The following KCNAB1 variants were observed in gnomAD, a reference collection of about 807,000 sequenced individuals.
The protein encoded by KCNAB1 is voltage-gated potassium channel subunit beta-1.
KCNAB1 carries 35 observed loss-of-function variants against 64.6 expected under a neutral mutation model. The observed-to-expected ratio is 0.54, with a 90% CI of 0.41 to 0.72. The LOEUF (loss-of-function observed/expected upper bound fraction) is 0.72. KCNAB1 is among the 30% of genes least tolerant of loss of function. The probability of loss-of-function intolerance (pLI) is 0.00; values close to 1 mark genes in which losing one functional copy is unlikely to be tolerated. For missense variants in KCNAB1, 401 were observed against 512.9 expected (o/e 0.78, Z 2.11); for synonymous variants, 177 against 183.8 (o/e 0.96, Z 0.30).
In KCNAB1 at chr3:156,515,288, TA is replaced by T. The variant is rs72558058; in HGVS notation, c.865+73del. The T allele has an allele frequency of 4.2e-6, 6 of 1,442,146 alleles. No individual in the cohort carries two copies. In the East Asian group the frequency reaches 1.4e-4, roughly 34 times the overall value. 89.3% of individuals were successfully genotyped at this position (1,442,146 alleles called of 1,614,324 possible). ...AAAGATCACTGATTCGGGGAAAAAATAAAAACAGTGTTATTGAAATGCTTTC... is the reference window on the plus strand; with the variant it reads ...AAAGATCACTGATTCGGGGAAAAAATAAAACAGTGTTATTGAAATGCTTTC... On this transcript the variant is annotated intron_variant, in intron 10 of 13. Coordinates refer to ENST00000490337, the MANE Select transcript of KCNAB1 (RefSeq NM_172160.3).
chr3:156,471,000 T>A (rs1559901871), intron 7 of KCNAB1, among the ~76,000 whole-genome samples: 2 of 152,216 alleles, frequency 1.3e-5, no homozygotes, highest in Non-Finnish European at 2.9e-5. Context: ...CAAATTATGA[T>A]GATAGGTCTG....
At chr3:156,458,576 A>T (rs1198863897) in intron 4 of KCNAB1, among the ~76,000 whole-genome samples, 1 of 152,162 alleles carries the variant, frequency 6.6e-6, no homozygotes, top group East Asian at 1.9e-4. Context: ...TTTCAAGAAG[A>T]GGTCTATGTT....
chr3:156,536,528 G>A (rs560252580), intron 13 of KCNAB1, 130 bp from the exon 14 acceptor site: 64 of 696,474 alleles, frequency 9.2e-5, no homozygotes, highest in Non-Finnish European at 1.4e-4. Context: ...GTTGGGGGCG[G>A]GGGGCTTAGA....
At chr3:156,252,454 A>C (rs1412302561) in intron 1 of KCNAB1, among the ~76,000 whole-genome samples, 1 of 152,228 alleles carries the variant, frequency 6.6e-6, no homozygotes, top group Non-Finnish European at 1.5e-5. Flanking sequence ...TACAGGAGAA[A>C]GGCACAGCTA....
chr3:156,274,985 C>A (rs753508912), intron 1 of KCNAB1, among the ~76,000 whole-genome samples: 7 of 152,202 alleles, frequency 4.6e-5, no homozygotes, highest in Admixed American at 1.3e-4. Context: ...TCTTGCGTAA[C>A]AGAACCTTTG....
At chr3:156,230,863 A>T (rs1716479960) in intron 1 of KCNAB1, among the ~76,000 whole-genome samples, 1 of 152,258 alleles carries the variant, frequency 6.6e-6, no homozygotes, top group South Asian at 2.1e-4. Flanking sequence ...TTACTTTTAC[A>T]AAAAGTTTGC....
At position 156,120,674 on chromosome 3, in the gene KCNAB1, G is replaced by C. The variant is rs374444884; in HGVS notation, c.63G>C (p.Arg21Ser). The change falls in exon 1 of 14, where the codon AGG (arginine) becomes AGC (serine). Residue 21 changes from arginine to serine, a missense_variant. By Grantham distance (110) the Arg-to-Ser change is moderately radical. Coordinates refer to ENST00000490337, the MANE Select transcript of KCNAB1 (RefSeq NM_172160.3). ...SQISEENTKLRRQSGFSVAGK... is the reference protein window; with the variant it reads ...SQISEENTKLSRQSGFSVAGK... The stretch of plus-strand genomic sequence containing the variant: ...TCTCAGAGGAGAACACCAAGTTAAG[G>C]AGACAGTCTGGGTTTTCTGTAGCAG... The C allele has an allele frequency of 1.2e-6, 2 of 1,614,108 alleles. No individual in the cohort carries two copies. The highest frequency in any genetic ancestry group is 1.7e-6 in the Non-Finnish European group (2 of 1,180,052).
At chr3:156,376,635 A>G in intron 1 of KCNAB1, among the ~76,000 whole-genome samples, 1 of 152,196 alleles carries the variant, frequency 6.6e-6, no homozygotes, top group Admixed American at 6.5e-5. Context: ...TAATACAGGG[A>G]AAGAAGGGTA....
chr3:156,276,239 C>T (rs1488128368), intron 1 of KCNAB1, among the ~76,000 whole-genome samples: 1 of 152,064 alleles, frequency 6.6e-6, no homozygotes, highest in African/African-American at 2.4e-5. Flanking sequence ...AGGAGTAAGT[C>T]TAAGAAGTTG....
At position 156,175,734 on chromosome 3, in the gene KCNAB1, C is replaced by A. The variant is rs1471613036; in HGVS notation, c.275+54848C>A. ...GCAGTGGTTTTTGGAATATGGCCAC[C>A]ACCTCCTCTGTTTCTTGCCAGTAAT... On this transcript the variant is annotated intron_variant, in intron 1 of 13. Transcript: ENST00000490337. 1.1e-5 allele frequency: 6 copies of A among 548,162 alleles called. No homozygotes were observed. In the Admixed American group the frequency reaches 1.3e-4, roughly 12 times the overall value. The allele number at this position is 548,162 out of a possible 1,614,324, so 34.0% of individuals were successfully genotyped here.
chr3:156,520,108 C>T (rs984699185), intron 11 of KCNAB1, among the ~76,000 whole-genome samples: 15 of 152,180 alleles, frequency 9.9e-5, no homozygotes. Flanking sequence ...TCATCTGACT[C>T]ATCACAGAGC....
At chr3:156,486,140 C>G (rs1715195945) in intron 8 of KCNAB1, among the ~76,000 whole-genome samples, 1 of 152,052 alleles carries the variant, frequency 6.6e-6, no homozygotes, top group Non-Finnish European at 1.5e-5. Context: ...TAGCCTGTCC[C>G]CCACAACCTT....
intron 8 of KCNAB1, among the ~76,000 whole-genome samples, chr3:156,490,252 T>C (rs1404178891): frequency 6.6e-6 from 1 of 152,110 alleles, no homozygotes; most frequent in Non-Finnish European, 1.5e-5. Flanking sequence ...CTAACAGATA[T>C]TGACATTGTT....
intron 1 of KCNAB1, chr3:156,291,384 G>C: frequency 4.0e-6 from 4 of 995,714 alleles, no homozygotes; most frequent in Non-Finnish European, 4.8e-6. Context: ...GCTGCTTCTT[G>C]GGATGCTCCG....
rs563605274 is a variant in KCNAB1, at chr3:156,394,598, A to G, written c.276-27018A>G. 1.4e-4 allele frequency among the ~76,000 whole-genome samples: 22 copies of G among 152,260 alleles called. No homozygotes were observed. In the East Asian group the frequency reaches 2.7e-3, roughly 19 times the overall value. On this transcript the variant is annotated intron_variant, in intron 1 of 13. Transcript: ENST00000490337. ...CAAGCTCTGTGGGGATAAAAGAAAA[A>G]AAAAAGAATGTTTGAGGCCAGATCA... is the stretch of plus-strand genomic sequence containing the variant.
intron 1 of KCNAB1, among the ~76,000 whole-genome samples, chr3:156,297,605 C>T (rs953457711): frequency 1.3e-5 from 2 of 152,260 alleles, no homozygotes; most frequent in Non-Finnish European, 2.9e-5. Flanking sequence ...ATACCAGATG[C>T]CTTTCCCATG....
At chr3:156,181,203 C>T (rs1712790802) in intron 1 of KCNAB1, among the ~76,000 whole-genome samples, 2 of 152,082 alleles carry the variant, frequency 1.3e-5, no homozygotes, top group African/African-American at 4.8e-5. Context: ...AGGATTAGGC[C>T]TTCAACATAT....
chr3:156,243,305 A>G (rs184801689), intron 1 of KCNAB1, among the ~76,000 whole-genome samples: 2 of 151,622 alleles, frequency 1.3e-5, no homozygotes, highest in East Asian at 3.9e-4. Context: ...GCTCACTGCA[A>G]CCCCCACCTC....
At chr3:156,270,323 G>T (rs543948227) in intron 1 of KCNAB1, among the ~76,000 whole-genome samples, 5 of 151,802 alleles carry the variant, frequency 3.3e-5, no homozygotes, top group African/African-American at 1.2e-4. Flanking sequence ...CTGCCATTTT[G>T]CTATTTTTTT....
Sources: allele counts gnomAD v4.1 joint callset (sites outside exome capture counted in the v4.1 genomes callset), GRCh38; gene constraint gnomAD v4.1.1; transcripts MANE v1.5; gene names NCBI Gene and HGNC (gene_info 2026-07-23, HGNC 2026-07-21).